Variants in CSMD1 observed in about 807,000 individuals in gnomAD.
The protein encoded by CSMD1 is CUB and sushi domain-containing protein 1.
A neutral mutation model predicts 417.5 loss-of-function variants in CSMD1; 213 were observed. The observed-to-expected ratio is 0.51, with a 90% CI of 0.46 to 0.57. The LOEUF is 0.57. Ranked by LOEUF, CSMD1 falls within the 20% of genes least tolerant of loss-of-function variation. The pLI is 0.00. For missense variants in CSMD1, 6,923 were observed against 4,529.7 expected, an observed-to-expected ratio of 1.53 and a Z score of -15.17; for synonymous variants, 2,862 against 1,736.8, an observed-to-expected ratio of 1.65 and a Z score of -16.11.
chr8:3,095,418 G>C (rs1240361595), intron 47 of CSMD1, among the ~76,000 whole-genome samples: 1 of 152,092 alleles, frequency 6.6e-6, no homozygotes, highest in African/African-American at 2.4e-5. Context: ...AGAAAAAGTT[G>C]TAAATAATGT....
chr8:3,687,333 T>A (rs887930954), intron 7 of CSMD1, among the ~76,000 whole-genome samples: 2 of 152,218 alleles, frequency 1.3e-5, no homozygotes, highest in African/African-American at 4.8e-5. Flanking sequence ...CATGTAAGGC[T>A]GCAGAAGGCT....
intron 2 of CSMD1, among the ~76,000 whole-genome samples, chr8:4,557,320 C>A (rs892434424): frequency 8.5e-5 from 13 of 152,096 alleles, no homozygotes; most frequent in East Asian, 3.9e-4. Flanking sequence ...TAGGTTCTAA[C>A]TGAAAAGAGG....
At chr8:4,364,320 TA>T (rs1431584657) in intron 3 of CSMD1, among the ~76,000 whole-genome samples, 9 of 152,316 alleles carry the variant, frequency 5.9e-5, no homozygotes, top group African/African-American at 2.2e-4. Context: ...TTGATAAGAC[TA>T]GGGCCCTTAA....
intron 3 of CSMD1, among the ~76,000 whole-genome samples, chr8:4,211,028 T>C (rs1450784065): frequency 6.6e-6 from 1 of 152,196 alleles, no homozygotes; most frequent in East Asian, 1.9e-4. Context: ...GTTTCAAAAA[T>C]ATTTTAAAAT....
At chr8:3,009,894 C>T (rs140419559) in intron 52 of CSMD1, among the ~76,000 whole-genome samples, 3 of 152,154 alleles carry the variant, frequency 2.0e-5, no homozygotes, top group Non-Finnish European at 4.4e-5. Flanking sequence ...CTTTTTTAAA[C>T]CAGTTTGGTT....
At chr8:4,986,566 C>G (rs537915870) in intron 1 of CSMD1, among the ~76,000 whole-genome samples, 1 of 151,892 alleles carries the variant, frequency 6.6e-6, no homozygotes, top group Non-Finnish European at 1.5e-5. Flanking sequence ...TTATATAACA[C>G]GAATGATATC....
chr8:3,963,184 G>A (rs550467513), intron 5 of CSMD1, among the ~76,000 whole-genome samples: 6 of 152,040 alleles, frequency 3.9e-5, no homozygotes, highest in South Asian at 2.1e-4. Flanking sequence ...CTCCATTCTC[G>A]GCCTCCCAAA....
intron 3 of CSMD1, among the ~76,000 whole-genome samples, chr8:4,197,086 C>T (rs529501355): frequency 7.9e-5 from 12 of 152,216 alleles, no homozygotes; most frequent in African/African-American, 2.6e-4. Flanking sequence ...GGAAATGAAA[C>T]ATCAAGATGA....
intron 3 of CSMD1, among the ~76,000 whole-genome samples, chr8:4,162,695 A>G (rs1797240585): frequency 6.6e-6 from 1 of 152,150 alleles, no homozygotes; most frequent in African/African-American, 2.4e-5. Context: ...AACTATCAAC[A>G]TCCCACGCCA....
intron 54 of CSMD1, among the ~76,000 whole-genome samples, chr8:2,980,560 T>C (rs2128939033): frequency 6.6e-6 from 1 of 152,214 alleles, no homozygotes; most frequent in East Asian, 1.9e-4. Flanking sequence ...GGCAGACATT[T>C]ATTTACTGGT....
intron 7 of CSMD1, among the ~76,000 whole-genome samples, chr8:3,628,621 AGAGG>A (rs1406842649): frequency 6.6e-6 from 1 of 152,092 alleles, no homozygotes; most frequent in Non-Finnish European, 1.5e-5. Flanking sequence ...GGAGTGTCTC[AGAGG>A]GAGGCAGCTC....
At chr8:4,085,482 C>G (rs75513984) in intron 3 of CSMD1, among the ~76,000 whole-genome samples, 2,281 of 152,050 alleles carry the variant, frequency 0.015, 30 homozygotes, top group Non-Finnish European at 0.025. Flanking sequence ...AGTTTAAAAC[C>G]CCTTGGATAC....
Position 4,932,647 on chromosome 8 carries a change from G to A in CSMD1, c.85+61685C>T, listed in dbSNP as rs573298005. Among the ~76,000 whole-genome samples the A allele has an allele frequency of 3.9e-5, 6 of 152,270 alleles. No homozygotes were observed. The South Asian group carries it at 1.0e-3, about 26-fold the overall frequency. ...GTTGACGTGTTTCTATGCACTTTCAGGACAAATTGGTAAAGGCTGCAGGAA... is the reference window on the plus strand; with the variant it reads ...GTTGACGTGTTTCTATGCACTTTCAAGACAAATTGGTAAAGGCTGCAGGAA... On this transcript the variant is annotated intron_variant, in intron 1 of 69. Transcript: ENST00000635120.
At chr8:3,121,833 A>G (rs1352911730) in intron 41 of CSMD1, among the ~76,000 whole-genome samples, 3 of 152,134 alleles carry the variant, frequency 2.0e-5, no homozygotes, top group African/African-American at 7.2e-5. Flanking sequence ...CAAAAAACAG[A>G]TACAAAGGAG....
chr8:4,569,712 T>A (rs1407998094), intron 2 of CSMD1, among the ~76,000 whole-genome samples: 1 of 152,200 alleles, frequency 6.6e-6, no homozygotes, highest in Non-Finnish European at 1.5e-5. Context: ...TAGCATTGAA[T>A]CTATATATTA....
chr8:3,495,562 T>C (rs528869127), intron 10 of CSMD1, among the ~76,000 whole-genome samples: 34 of 152,356 alleles, frequency 2.2e-4, no homozygotes, highest in Admixed American at 1.6e-3. Flanking sequence ...CACCAATCTT[T>C]ACTCCACGCT....
chr8:4,426,147 G>C (rs1007244325), intron 2 of CSMD1, among the ~76,000 whole-genome samples: 2 of 151,208 alleles, frequency 1.3e-5, no homozygotes, highest in Admixed American at 6.6e-5. Flanking sequence ...TTAATTTCCA[G>C]ACAGCATATA....
chr8:3,117,926 C>A (rs12550459), intron 42 of CSMD1, among the ~76,000 whole-genome samples: 8,551 of 152,150 alleles, frequency 0.056, 562 homozygotes, highest in East Asian at 0.36. Flanking sequence ...TTTCAAGGCC[C>A]ACTACAAAAA....
Position 3,873,300 on chromosome 8 carries a change from A to T in CSMD1, c.819-119258T>A, listed in dbSNP as rs186285493. 1.2e-3 allele frequency among the ~76,000 whole-genome samples: 181 copies of T among 152,276 alleles called. 1 individual carries two copies. Among genetic ancestry groups the T allele is most frequent in the African/African-American group, 4.2e-3 (175 of 41,578 alleles). ...TCACAATAGCAAAGACATGGAATCA[A>T]CCTAAATGCCCATCAGCTGTAGAAT... On this transcript the variant is annotated intron_variant, in intron 5 of 69. Coordinates refer to ENST00000635120, the MANE Select transcript of CSMD1 (RefSeq NM_033225.6).
Sources: allele counts gnomAD v4.1 joint callset (sites outside exome capture counted in the v4.1 genomes callset), GRCh38; gene constraint gnomAD v4.1.1; transcripts MANE v1.5; gene names NCBI Gene and HGNC (gene_info 2026-07-23, HGNC 2026-07-21).